Variants in GSK3B observed in about 807,000 individuals in gnomAD.
GSK3B encodes glycogen synthase kinase-3 beta.
A neutral mutation model predicts 56.4 loss-of-function variants in GSK3B; 15 were observed. The ratio of observed to expected loss-of-function variants is 0.27; its 90% CI spans 0.18 to 0.41. The LOEUF (loss-of-function observed/expected upper bound fraction) is 0.41, where lower values mean the gene tolerates loss of function less well. Among genes scored for constraint, GSK3B ranks in the 10% least tolerant of loss-of-function variants. The pLI, the probability that GSK3B is intolerant of heterozygous loss-of-function variation, is 1.00. For missense variants in GSK3B, 300 were observed against 513.4 expected, an observed-to-expected ratio of 0.58 and a Z score of 4.02; for synonymous variants, 181 against 188.9, an observed-to-expected ratio of 0.96 and a Z score of 0.34.
In GSK3B at chr3:119,825,815, A is replaced by G. The variant is rs2055495071; in HGVS notation, c.*973T>C. The G allele has an allele frequency of 4.6e-6, 1 of 219,778 alleles. No homozygotes were observed. The highest frequency in any genetic ancestry group is 5.8e-5 in the Admixed American group (1 of 17,282). The allele number at this position is 219,778 out of a possible 1,614,324, so 13.6% of individuals were successfully genotyped here. A position where few individuals can be genotyped will look rare whatever the true frequency, so the allele number is the denominator to read the frequency against. On this transcript the variant is annotated 3_prime_UTR_variant, in exon 11 of 11. Transcript: ENST00000264235. ...TTAACTACAATGTCCTCTCAAGTGT[A>G]TCTTTCCAAGGGAAGTAACTTTAGA...
intron 4 of GSK3B, among the ~76,000 whole-genome samples, chr3:119,919,532 G>GAAAAAAAAAAAA (rs1191428996): frequency 2.1e-5 from 2 of 97,352 alleles, no homozygotes; most frequent in Non-Finnish European, 4.4e-5. Context: ...AAAAAAAAAA[G>GAAAAAAAAAAAA]AAAAAAAAAA....
At chr3:120,026,521 A>G (rs952767233) in intron 1 of GSK3B, among the ~76,000 whole-genome samples, 1 of 87,392 alleles carries the variant, frequency 1.1e-5, no homozygotes, top group Non-Finnish European at 2.2e-5. Context: ...ATACACACAC[A>G]CACACACACA....
intron 3 of GSK3B, among the ~76,000 whole-genome samples, chr3:119,926,130 C>T (rs1277181676): frequency 6.6e-6 from 1 of 152,054 alleles, no homozygotes; most frequent in Non-Finnish European, 1.5e-5. Flanking sequence ...GTTCTTTAAA[C>T]TCACTCCCCC....
chr3:119,950,824 C>G (rs1046699450), intron 2 of GSK3B, among the ~76,000 whole-genome samples: 4 of 152,198 alleles, frequency 2.6e-5, no homozygotes, highest in Admixed American at 1.3e-4. Flanking sequence ...AAATGGCCTT[C>G]TTTGCCAAGC....
intron 1 of GSK3B, among the ~76,000 whole-genome samples, chr3:120,044,096 G>A (rs550364180): frequency 6.6e-5 from 10 of 152,284 alleles, no homozygotes; most frequent in Admixed American, 2.6e-4. Context: ...CCAGTCAACC[G>A]GGCATGGGCT....
At chr3:120,053,820 C>T (rs757490165) in intron 1 of GSK3B, among the ~76,000 whole-genome samples, 24 of 152,154 alleles carry the variant, frequency 1.6e-4, no homozygotes, top group Non-Finnish European at 3.2e-4. Flanking sequence ...TCTCTCTTTG[C>T]CTGCTGCCAT....
intron 9 of GSK3B, among the ~76,000 whole-genome samples, chr3:119,847,548 C>G (rs550793191): frequency 1.3e-5 from 2 of 152,008 alleles, no homozygotes; most frequent in Non-Finnish European, 2.9e-5. Flanking sequence ...CATGACAAAC[C>G]TATATCTCAA....
Position 120,035,467 on chromosome 3 carries a change from A to G in GSK3B, c.89-33228T>C, listed in dbSNP as rs1318525778. Among the ~76,000 whole-genome samples, 5 of 152,232 alleles carry G rather than the reference A, an allele frequency of 3.3e-5. No homozygotes were observed. The East Asian group carries it at 9.6e-4, about 29-fold the overall frequency. On this transcript the variant is annotated intron_variant, in intron 1 of 10. Coordinates refer to ENST00000264235, the MANE Select transcript of GSK3B (RefSeq NM_001146156.2). Reference sequence around the variant, plus strand: ...TCCCTTGTATTTCCATATGAATTTTAGGATCAGTTTATCAATTTGTGCAAA... The same window carrying G: ...TCCCTTGTATTTCCATATGAATTTTGGGATCAGTTTATCAATTTGTGCAAA...
chr3:120,001,890 T>C (rs2057680406), intron 2 of GSK3B, among the ~76,000 whole-genome samples, 156 bp downstream of exon 2: 1 of 152,072 alleles, frequency 6.6e-6, no homozygotes, highest in Admixed American at 6.5e-5. Context: ...CTCTACAAAA[T>C]ACATGACTAG....
chr3:119,946,370 G>A (rs1371310420), intron 3 of GSK3B, among the ~76,000 whole-genome samples: 1 of 152,056 alleles, frequency 6.6e-6, no homozygotes, highest in Admixed American at 6.6e-5. Context: ...GCTAAAAACT[G>A]TTATACTAAA....
chr3:119,877,131 T>C (rs1466318975), intron 7 of GSK3B, among the ~76,000 whole-genome samples: 2 of 152,096 alleles, frequency 1.3e-5, no homozygotes, highest in Non-Finnish European at 1.5e-5. Context: ...ATTTGGGTCA[T>C]AAAAAAGATT....
intron 1 of GSK3B, among the ~76,000 whole-genome samples, chr3:120,067,236 CAAA>C (rs58967403): frequency 1.2e-4 from 15 of 122,848 alleles, no homozygotes; most frequent in Admixed American, 2.6e-4. Flanking sequence ...ACTGTAACAT[CAAA>C]AAAAAAAAAA....
At chr3:120,028,709 T>C (rs1006112005) in intron 1 of GSK3B, 6 of 456,252 alleles carry the variant, frequency 1.3e-5, no homozygotes, top group African/African-American at 1.2e-4. Context: ...ACCATGTCCT[T>C]GCAGGCCATG....
chr3:119,918,480 A>G (rs932713146), intron 4 of GSK3B, among the ~76,000 whole-genome samples: 4 of 152,124 alleles, frequency 2.6e-5, no homozygotes, highest in African/African-American at 9.7e-5. Flanking sequence ...TCTCAAAAAA[A>G]CAAAAACAAA....
chr3:120,013,038 A>G (rs1031662830), intron 1 of GSK3B, among the ~76,000 whole-genome samples: 2 of 152,134 alleles, frequency 1.3e-5, no homozygotes, highest in Non-Finnish European at 2.9e-5. Context: ...ATCCCAAAAT[A>G]ATACACACAG....
chr3:119,854,797 G>T (rs182002255), intron 9 of GSK3B, among the ~76,000 whole-genome samples: 2 of 152,108 alleles, frequency 1.3e-5, no homozygotes, highest in South Asian at 4.1e-4. Flanking sequence ...GCGTCTATTC[G>T]ATTCTTCTCT....
At chr3:119,974,921 A>G (rs2057397327) in intron 2 of GSK3B, among the ~76,000 whole-genome samples, 1 of 152,238 alleles carries the variant, frequency 6.6e-6, no homozygotes, top group African/African-American at 2.4e-5. Context: ...AAGACAGGTT[A>G]GCACTTGTTT....
intron 3 of GSK3B, among the ~76,000 whole-genome samples, chr3:119,940,878 T>C (rs1387732943): frequency 6.6e-6 from 1 of 152,198 alleles, no homozygotes; most frequent in Non-Finnish European, 1.5e-5. Flanking sequence ...CCATCTCCTC[T>C]TCATAGAACC....
In GSK3B at chr3:120,022,743, C is replaced by T. The variant is rs1007266872; in HGVS notation, c.89-20504G>A. 5.3e-5 allele frequency among the ~76,000 whole-genome samples: 8 copies of T among 152,206 alleles called. No homozygotes were observed. In the East Asian group the frequency reaches 5.8e-4, roughly 11 times the overall value. On this transcript the variant is annotated intron_variant, in intron 1 of 10. Coordinates refer to ENST00000264235, the MANE Select transcript of GSK3B (RefSeq NM_001146156.2). ...TTAGCATTTCTTTCTCCCCACAAAG[C>T]TCTACTAGAAGAGATGCTAACTGGC...
Sources: gnomAD v4.1 joint callset for allele counts (sites outside exome capture counted in the v4.1 genomes callset) on GRCh38, gnomAD v4.1.1 for gene constraint, MANE v1.5 for transcripts, NCBI Gene and HGNC (gene_info 2026-07-23, HGNC 2026-07-21) for gene names.